GLIS1: variants seen among roughly 807,000 people sequenced by gnomAD.
GLIS1 encodes GLIS family zinc finger 1.
In GLIS1, 24 loss-of-function variants were observed where a neutral mutation model predicts 63.8. The ratio of observed to expected loss-of-function variants is 0.38; its 90% confidence interval spans 0.27 to 0.53. GLIS1 has a LOEUF of 0.53. Among genes scored for constraint, GLIS1 ranks in the 20% least tolerant of loss-of-function variants. The pLI is 0.85. For missense variants in GLIS1, 1,036 were observed against 1,074.1 expected (o/e 0.96, Z 0.50); for synonymous variants, 450 against 482.5 (o/e 0.93, Z 0.88).
chr1:53,522,937 T>G (rs1644424558), intron 6 of GLIS1, among the ~76,000 whole-genome samples: 1 of 151,714 alleles, frequency 6.6e-6, no homozygotes, highest in Admixed American at 6.6e-5. Context: ...AAATGGGAAT[T>G]ACAGTGCCCA....
In GLIS1 at chr1:53,594,233, G is replaced by T; in HGVS notation, c.1195C>A (p.Arg399Ser). The change falls in exon 4 of 11, where the codon CGC (arginine) becomes AGC (serine). Residue 399 changes from arginine to serine, a missense_variant. Transcript: ENST00000628545. Reference protein sequence around the residue: ...RHIEKSHIDQRKGEDFTCFWA... With the variant: ...RHIEKSHIDQSKGEDFTCFWA... ...AAGCAGGTGAAGTCCTCGCCCTTGCGCTGGTCGATGTGGCTCTTCTCGATG... is the reference window on the plus strand; with the variant it reads ...AAGCAGGTGAAGTCCTCGCCCTTGCTCTGGTCGATGTGGCTCTTCTCGATG... The T allele has an allele frequency of 1.2e-6, 2 of 1,613,854 alleles. No individual in the cohort carries two copies. The highest frequency in any genetic ancestry group is 1.7e-6 in the Non-Finnish European group (2 of 1,179,966).
chr1:53,700,368 C>T (rs1369360530), intron 2 of GLIS1, among the ~76,000 whole-genome samples: 2 of 152,128 alleles, frequency 1.3e-5, no homozygotes, highest in Non-Finnish European at 2.9e-5. Context: ...TGGGAGGGTA[C>T]GCGGCTCCGT....
intron 3 of GLIS1, among the ~76,000 whole-genome samples, chr1:53,597,692 AGGTGC>A (rs1645273538): frequency 6.6e-6 from 1 of 152,128 alleles, no homozygotes; most frequent in Non-Finnish European, 1.5e-5. Flanking sequence ...AATTCAGATC[AGGTGC>A]GGCATAGGGG....
At chr1:53,725,383 T>C (rs986266190) in intron 2 of GLIS1, among the ~76,000 whole-genome samples, 1 of 152,102 alleles carries the variant, frequency 6.6e-6, no homozygotes, top group African/African-American at 2.4e-5. Flanking sequence ...CCTCACTGAT[T>C]CTCATGCTAC....
chr1:53,601,455 G>C (rs1435811798), intron 2 of GLIS1, among the ~76,000 whole-genome samples: 2 of 152,114 alleles, frequency 1.3e-5, no homozygotes, highest in Non-Finnish European at 2.9e-5. Flanking sequence ...ATTAAGACGT[G>C]AAAAAAACCT....
intron 2 of GLIS1, among the ~76,000 whole-genome samples, chr1:53,629,862 G>A (rs1053340774): frequency 6.6e-6 from 1 of 152,194 alleles, no homozygotes; most frequent in South Asian, 2.1e-4. Flanking sequence ...TGCAGGCCTT[G>A]AGAAGGCCAC....
At chr1:53,700,475 CATGAACAA>C (rs1646511794) in intron 2 of GLIS1, among the ~76,000 whole-genome samples, 1 of 152,196 alleles carries the variant, frequency 6.6e-6, no homozygotes, top group Non-Finnish European at 1.5e-5. Context: ...TGGAGGGTAA[CATGAACAA>C]ATGCATGGCC....
intron 2 of GLIS1, among the ~76,000 whole-genome samples, chr1:53,656,303 G>A (rs12568524): frequency 0.32 from 48,943 of 151,804 alleles, 8,306 homozygotes; most frequent in East Asian, 0.42. Context: ...TGAAACCCTC[G>A]CCTCTCATCA....
intron 2 of GLIS1, among the ~76,000 whole-genome samples, chr1:53,603,202 A>G (rs1343152549): frequency 2.6e-5 from 4 of 152,184 alleles, no homozygotes; most frequent in African/African-American, 7.2e-5. Context: ...CACTCAAGTC[A>G]TAGTATGGTG....
chr1:53,672,046 A>C (rs1646157792), intron 2 of GLIS1, among the ~76,000 whole-genome samples: 1 of 152,346 alleles, frequency 6.6e-6, no homozygotes, highest in South Asian at 2.1e-4. Flanking sequence ...GCCCTGGCCA[A>C]GCTGGTTGTG....
intron 2 of GLIS1, among the ~76,000 whole-genome samples, chr1:53,601,122 G>T (rs1382413829): frequency 1.3e-5 from 2 of 152,178 alleles, no homozygotes; most frequent in African/African-American, 4.8e-5. Flanking sequence ...AGGGAGGAAA[G>T]GACATGAATT....
At chr1:53,681,495 T>A (rs1199152658) in intron 2 of GLIS1, among the ~76,000 whole-genome samples, 1 of 152,244 alleles carries the variant, frequency 6.6e-6, no homozygotes, top group African/African-American at 2.4e-5. Flanking sequence ...GGAGAATTCC[T>A]GTAAAACTGT....
chr1:53,623,423 T>C (rs1645565749), intron 2 of GLIS1, among the ~76,000 whole-genome samples: 3 of 152,188 alleles, frequency 2.0e-5, no homozygotes. Context: ...TGATAAACTA[T>C]AGCTAACATC....
At chr1:53,554,959 T>TGGGTATCTGAGGGGGACTGGC (rs1644802911) in intron 4 of GLIS1, among the ~76,000 whole-genome samples, 1 of 152,112 alleles carries the variant, frequency 6.6e-6, no homozygotes, top group African/African-American at 2.4e-5. Flanking sequence ...GCAGGGCACT[T>TGGGTATCTGAGGGGGACTGGC]GGGTATCTGA....
chr1:53,712,553 C>T (rs1172216442), intron 2 of GLIS1, among the ~76,000 whole-genome samples: 1 of 152,218 alleles, frequency 6.6e-6, no homozygotes, highest in African/African-American at 2.4e-5. Flanking sequence ...TCACAACAAA[C>T]AGGCTCCAAG....
At chr1:53,610,442 G>A (rs1465378883) in intron 2 of GLIS1, among the ~76,000 whole-genome samples, 1 of 152,158 alleles carries the variant, frequency 6.6e-6, no homozygotes, top group Non-Finnish European at 1.5e-5. Context: ...TATTTCTGCT[G>A]GGTATAGAAT....
At chr1:53,583,217 T>C (rs1645103353) in intron 4 of GLIS1, among the ~76,000 whole-genome samples, 1 of 152,184 alleles carries the variant, frequency 6.6e-6, no homozygotes, top group Admixed American at 6.5e-5. Context: ...GTGACCCCAC[T>C]GTGAAACAGC....
chr1:53,512,607 G>A (rs1644308017), intron 8 of GLIS1, among the ~76,000 whole-genome samples: 1 of 152,104 alleles, frequency 6.6e-6, no homozygotes, highest in Admixed American at 6.6e-5. Context: ...ACCCATTCAC[G>A]CTGGGCCTGG....
intron 2 of GLIS1, among the ~76,000 whole-genome samples, chr1:53,679,013 C>T (rs1249536672): frequency 6.6e-6 from 1 of 152,194 alleles, no homozygotes; most frequent in Non-Finnish European, 1.5e-5. Context: ...TGGGAGGTCA[C>T]CCCCCACCTC....
Sources: allele counts gnomAD v4.1 joint callset (sites outside exome capture counted in the v4.1 genomes callset), GRCh38; gene constraint gnomAD v4.1.1; transcripts MANE v1.5; gene names NCBI Gene and HGNC (gene_info 2026-07-23, HGNC 2026-07-21).